Variants in SMYD3 observed in about 807,000 individuals in gnomAD.
SMYD3 encodes SET and MYND domain containing 3.
Under a neutral mutation model 57.7 loss-of-function variants are expected in SMYD3, and 36 were observed. That is an observed-to-expected ratio of 0.62 (90% confidence interval 0.48 to 0.82). SMYD3 has a LOEUF of 0.82. Among genes scored for constraint, SMYD3 ranks in the 40% least tolerant of loss-of-function variants. SMYD3 has a pLI of 0.00. For missense variants in SMYD3, 515 were observed against 538.8 expected (o/e 0.96, Z 0.44); for synonymous variants, 211 against 195.0 (o/e 1.08, Z -0.68).
chr1:246,207,597 C>A (rs2063020426), intron 5 of SMYD3, among the ~76,000 whole-genome samples: 1 of 151,928 alleles, frequency 6.6e-6, no homozygotes, highest in Admixed American at 6.6e-5. Context: ...AGGACACTTA[C>A]AAACAGTAAA....
chr1:246,006,107 C>T (rs997688846), intron 5 of SMYD3, among the ~76,000 whole-genome samples: 3 of 152,112 alleles, frequency 2.0e-5, no homozygotes, highest in African/African-American at 4.8e-5. Context: ...AAATTAAAGA[C>T]GGTGATTTGA....
At chr1:245,762,511 C>T (rs1427199361) in intron 11 of SMYD3, among the ~76,000 whole-genome samples, 1 of 152,100 alleles carries the variant, frequency 6.6e-6, no homozygotes, top group Non-Finnish European at 1.5e-5. Context: ...GACAAGTACC[C>T]CCAGACCAGA....
intron 1 of SMYD3, among the ~76,000 whole-genome samples, chr1:246,395,609 CCACCA>C (rs2066648199): frequency 1.5e-4 from 5 of 33,808 alleles, no homozygotes; most frequent in Admixed American, 1.1e-3. Context: ...GAAGAGGAAC[CCACCA>C]TGGCTGGACA....
At chr1:246,227,462 A>G (rs1472202682) in intron 5 of SMYD3, among the ~76,000 whole-genome samples, 1 of 152,130 alleles carries the variant, frequency 6.6e-6, no homozygotes, top group Non-Finnish European at 1.5e-5. Context: ...AAAAATACAA[A>G]AAATTAACCG....
At chr1:246,117,185 A>G (rs2061354031) in intron 5 of SMYD3, among the ~76,000 whole-genome samples, 1 of 152,246 alleles carries the variant, frequency 6.6e-6, no homozygotes, top group Non-Finnish European at 1.5e-5. Context: ...CAGTATCTGT[A>G]TAAATGGACA....
chr1:245,947,330 T>A (rs181778837), intron 5 of SMYD3: 1 of 455,958 alleles, frequency 2.2e-6, no homozygotes, highest in Non-Finnish European at 4.4e-6. Flanking sequence ...TGTCACAGTA[T>A]TTGCAGGAAT....
intron 5 of SMYD3, among the ~76,000 whole-genome samples, chr1:246,126,119 C>T (rs962557123): frequency 6.6e-6 from 1 of 152,188 alleles, no homozygotes; most frequent in Middle Eastern, 3.2e-3. Flanking sequence ...CAGTGCCGTG[C>T]CAAGCTAAAT....
chr1:246,456,609 T>G (rs2067703228), intron 1 of SMYD3, among the ~76,000 whole-genome samples: 1 of 152,244 alleles, frequency 6.6e-6, no homozygotes, highest in Admixed American at 6.5e-5. Flanking sequence ...TGTCTATGCC[T>G]CTGTTGAAGC....
At chr1:246,075,076 A>G (rs1008214024) in intron 5 of SMYD3, among the ~76,000 whole-genome samples, 2 of 152,164 alleles carry the variant, frequency 1.3e-5, no homozygotes, top group African/African-American at 4.8e-5. Flanking sequence ...AAAAAAATTC[A>G]ATCAATGAAA....
chr1:246,142,947 G>C (rs1241077818), intron 5 of SMYD3, among the ~76,000 whole-genome samples: 1 of 152,164 alleles, frequency 6.6e-6, no homozygotes, highest in African/African-American at 2.4e-5. Context: ...AGGGTAGAAA[G>C]TTCTGTGCAA....
chr1:245,842,385 C>T (rs558359953), intron 10 of SMYD3, among the ~76,000 whole-genome samples: 9 of 152,190 alleles, frequency 5.9e-5, no homozygotes, highest in South Asian at 4.1e-4. Flanking sequence ...GGCCAACTGA[C>T]CTGAAGCCAT....
intron 1 of SMYD3, among the ~76,000 whole-genome samples, chr1:246,482,860 T>C (rs904690077): frequency 9.2e-5 from 14 of 152,180 alleles, no homozygotes; most frequent in African/African-American, 2.7e-4. Context: ...CAGTTGGGGA[T>C]AGAAAGAGGC....
intron 8 of SMYD3, among the ~76,000 whole-genome samples, chr1:245,881,016 C>T (rs1292572296): frequency 6.6e-6 from 1 of 152,190 alleles, no homozygotes; most frequent in South Asian, 2.1e-4. Context: ...GGTAGGCGGG[C>T]CTCTAAGGGC....
chr1:245,993,663 C>T (rs10924434), intron 5 of SMYD3, among the ~76,000 whole-genome samples: 65,168 of 118,248 alleles, frequency 0.55, 19,627 homozygotes, highest in Non-Finnish European at 0.72. Flanking sequence ...GACAGACAGA[C>T]AGATATAGAT....
intron 5 of SMYD3, among the ~76,000 whole-genome samples, chr1:246,249,126 T>A (rs2063758950): frequency 6.6e-6 from 1 of 152,082 alleles, no homozygotes; most frequent in Non-Finnish European, 1.5e-5. Context: ...CTTCATTTGT[T>A]TTTGAGACAC....
intron 5 of SMYD3, among the ~76,000 whole-genome samples, chr1:246,193,913 A>G (rs553455095): frequency 6.6e-6 from 1 of 152,334 alleles, no homozygotes; most frequent in South Asian, 2.1e-4. Context: ...AACGTACACC[A>G]AAATGGCAAA....
chr1:246,194,975 T>G (rs2148341310), intron 5 of SMYD3, among the ~76,000 whole-genome samples: 1 of 152,240 alleles, frequency 6.6e-6, no homozygotes, highest in Non-Finnish European at 1.5e-5. Context: ...TGCAGCCAGG[T>G]TTTCACCACT....
rs12088970 is a variant in SMYD3, at chr1:245,771,691, G to A, written c.1077-7542C>T. On this transcript the variant is annotated intron_variant, in intron 10 of 11. Coordinates refer to ENST00000490107, the MANE Select transcript of SMYD3 (RefSeq NM_001167740.2). Reference sequence around the variant, plus strand: ...ATATGCCAGGAGTAAACGGGACAAAGAGGCATGAAGAGGCACATAGAGTCA... The same window carrying A: ...ATATGCCAGGAGTAAACGGGACAAAAAGGCATGAAGAGGCACATAGAGTCA... Among the ~76,000 whole-genome samples the A allele has an allele frequency of 1.1e-3, 162 of 152,324 alleles. 1 individual carries two copies. Among genetic ancestry groups the A allele is most frequent in the Non-Finnish European group, 1.8e-3 (125 of 68,028 alleles).
chr1:245,921,324 T>C (rs1438673274), intron 7 of SMYD3, among the ~76,000 whole-genome samples: 1 of 152,120 alleles, frequency 6.6e-6, no homozygotes, highest in Non-Finnish European at 1.5e-5. Flanking sequence ...TTATACACTA[T>C]TGGTGGGAAT....
Sources: gnomAD v4.1 joint callset for allele counts (sites outside exome capture counted in the v4.1 genomes callset) on GRCh38, gnomAD v4.1.1 for gene constraint, MANE v1.5 for transcripts, NCBI Gene and HGNC (gene_info 2026-07-23, HGNC 2026-07-21) for gene names.